Variants in WWOX observed in about 807,000 individuals in gnomAD.
WWOX encodes the protein WW domain containing oxidoreductase.
WWOX carries 69 observed loss-of-function variants against 46.2 expected under a neutral mutation model. The observed-to-expected ratio is 1.49, with a 90% confidence interval of 1.23 to 1.82. The LOEUF (loss-of-function observed/expected upper bound fraction) is 1.82, where lower values mean the gene tolerates loss of function less well. Ranked by LOEUF, WWOX falls within the 40% of genes most tolerant of loss-of-function variation. WWOX has a pLI of 0.00. For missense variants in WWOX, 919 were observed against 542.6 expected (o/e 1.69, Z -6.89); for synonymous variants, 359 against 202.6 (o/e 1.77, Z -6.56).
intron 8 of WWOX, among the ~76,000 whole-genome samples, chr16:78,934,645 T>G (rs1204692698): frequency 6.6e-6 from 1 of 152,072 alleles, no homozygotes; most frequent in Non-Finnish European, 1.5e-5. Context: ...CTTGCTAATG[T>G]GGGGTCTTTG....
At chr16:78,362,724 A>C (rs1432067701) in intron 5 of WWOX, among the ~76,000 whole-genome samples, 2 of 152,234 alleles carry the variant, frequency 1.3e-5, no homozygotes, top group East Asian at 3.8e-4. Context: ...AAACAGCCTC[A>C]ACCTAAAAAT....
chr16:78,930,085 A>G (rs2045585654), intron 8 of WWOX, among the ~76,000 whole-genome samples: 2 of 151,938 alleles, frequency 1.3e-5, no homozygotes, highest in East Asian at 1.9e-4. Flanking sequence ...TGCCTTCTTC[A>G]CACTCCTCCT....
Position 78,900,564 on chromosome 16 carries a change from G to A in WWOX, c.1057-311044G>A, listed in dbSNP as rs566076263. ...GAGGTTCCAATTTGGATATTTCGTG[G>A]CCTTCAGGTTATTTGTAACCAGTAC... On this transcript the variant is annotated intron_variant, in intron 8 of 8. Transcript: ENST00000566780. 3.5e-4 allele frequency among the ~76,000 whole-genome samples: 54 copies of A among 152,146 alleles called. 1 individual carries two copies. In the South Asian group the frequency reaches 0.011, roughly 30 times the overall value.
chr16:78,872,543 A>G (rs1018335790), intron 8 of WWOX, among the ~76,000 whole-genome samples: 1 of 152,186 alleles, frequency 6.6e-6, no homozygotes, highest in Admixed American at 6.5e-5. Flanking sequence ...TAATCACTCT[A>G]AGCCTCAATT....
intron 8 of WWOX, among the ~76,000 whole-genome samples, chr16:79,156,043 G>A (rs1008416721): frequency 3.3e-5 from 5 of 152,116 alleles, no homozygotes; most frequent in African/African-American, 1.2e-4. Context: ...CAATTTCCAG[G>A]AAATCAGACA....
intron 8 of WWOX, among the ~76,000 whole-genome samples, chr16:78,643,502 C>G (rs1483795513): frequency 6.6e-6 from 1 of 152,114 alleles, no homozygotes; most frequent in Admixed American, 6.5e-5. Flanking sequence ...CTAACATGTC[C>G]AGCTTTAAAC....
At chr16:78,197,422 T>A (rs2036089038) in intron 5 of WWOX, among the ~76,000 whole-genome samples, 1 of 152,236 alleles carries the variant, frequency 6.6e-6, no homozygotes, top group Non-Finnish European at 1.5e-5. Flanking sequence ...TTCAGCTAAT[T>A]ACCTACTGAG....
In WWOX at chr16:79,211,627, C is replaced by T; in HGVS notation, c.1076C>T (p.Thr359Ile). The change falls in exon 9 of 9, where the codon ACC (threonine) becomes ATC (isoleucine). Residue 359 changes from threonine (T) to isoleucine (I), a missense_variant. By Grantham distance (89) the Thr-to-Ile change is moderately conservative. Transcript: ENST00000566780. ...TTCCAGCAACAGGGAGCTGCCACCA[C>T]CGTGTACTGTGCTGCTGTCCCAGAA... ...TKSMQQGAAT[T>I]VYCAAVPELE... 6.2e-7 allele frequency: 1 copy of T among 1,614,196 alleles called. No individual in the cohort carries two copies. Among genetic ancestry groups the T allele is most frequent in the South Asian group, 1.1e-5 (1 of 91,082 alleles).
chr16:78,168,927 G>A (rs923697252), intron 5 of WWOX, among the ~76,000 whole-genome samples: 6 of 152,202 alleles, frequency 3.9e-5, no homozygotes, highest in Middle Eastern at 3.4e-3. Flanking sequence ...TCCAAAGTTA[G>A]AAGAGAAAAA....
chr16:78,817,169 A>ATTTTT (rs1460643310), intron 8 of WWOX, among the ~76,000 whole-genome samples: 3 of 26,578 alleles, frequency 1.1e-4, no homozygotes, highest in Admixed American at 3.7e-4. Context: ...CATTAGTGCT[A>ATTTTT]TTCTTTTTTT....
chr16:78,778,845 C>G (rs945788032), intron 8 of WWOX, among the ~76,000 whole-genome samples: 4 of 152,180 alleles, frequency 2.6e-5, no homozygotes, highest in African/African-American at 4.8e-5. Flanking sequence ...GCCCCGGCGT[C>G]TCCTCCTAGA....
intron 8 of WWOX, among the ~76,000 whole-genome samples, chr16:79,055,692 A>G (rs958292039): frequency 1.3e-5 from 2 of 152,232 alleles, no homozygotes; most frequent in Non-Finnish European, 1.5e-5. Flanking sequence ...CAGAGCAAAC[A>G]CCCAAGGGCA....
At chr16:78,131,425 T>C (rs2033588443) in intron 4 of WWOX, among the ~76,000 whole-genome samples, 2 of 152,226 alleles carry the variant, frequency 1.3e-5, no homozygotes, top group African/African-American at 4.8e-5. Context: ...ATGTTGCCCA[T>C]GCTGGTCTTG....
intron 8 of WWOX, among the ~76,000 whole-genome samples, chr16:78,870,142 AGGAAGGGG>A (rs1377181560): frequency 3.3e-5 from 5 of 152,190 alleles, no homozygotes; most frequent in Admixed American, 6.5e-5. Flanking sequence ...ATCCTCAAAC[AGGAAGGGG>A]GAAATTGCTT....
chr16:78,502,435 T>A (rs1056460521), intron 8 of WWOX, among the ~76,000 whole-genome samples: 2 of 152,228 alleles, frequency 1.3e-5, no homozygotes, highest in Non-Finnish European at 1.5e-5. Flanking sequence ...TAGAGTGATA[T>A]GTTAGTCGTC....
intron 8 of WWOX, among the ~76,000 whole-genome samples, chr16:78,557,551 T>C (rs144697692): frequency 1.6e-3 from 238 of 152,210 alleles, no homozygotes; most frequent in African/African-American, 5.6e-3. Flanking sequence ...TTGTCGTCTT[T>C]GAGTTTCCAA....
chr16:78,634,209 T>A (rs561575928), intron 8 of WWOX, among the ~76,000 whole-genome samples: 1 of 152,138 alleles, frequency 6.6e-6, no homozygotes, highest in Non-Finnish European at 1.5e-5. Flanking sequence ...TCCAGGAGAA[T>A]AGGAATGCCA....
At chr16:78,629,466 A>C (rs1025700884) in intron 8 of WWOX, among the ~76,000 whole-genome samples, 2 of 152,118 alleles carry the variant, frequency 1.3e-5, no homozygotes, top group Non-Finnish European at 2.9e-5. Context: ...ATTTCTCTAA[A>C]ATAGAAATCT....
chr16:78,962,293 C>G (rs1239356329), intron 8 of WWOX, among the ~76,000 whole-genome samples: 3 of 113,704 alleles, frequency 2.6e-5, no homozygotes, highest in East Asian at 5.9e-4. Flanking sequence ...TTGGAGTCAG[C>G]AAGGCATCCT....
Sources: gnomAD v4.1 joint callset for allele counts (sites outside exome capture counted in the v4.1 genomes callset) on GRCh38, gnomAD v4.1.1 for gene constraint, MANE v1.5 for transcripts, NCBI Gene and HGNC (gene_info 2026-07-23, HGNC 2026-07-21) for gene names.